USP3: variants seen among roughly 807,000 people sequenced by gnomAD.
USP3 encodes ubiquitin carboxyl-terminal hydrolase 3.
USP3 carries 20 observed loss-of-function variants against 72.3 expected under a neutral mutation model. The ratio of observed to expected loss-of-function variants is 0.28; its 90% confidence interval spans 0.19 to 0.40. USP3 has a LOEUF of 0.40. Ranked by LOEUF, USP3 falls within the 10% of genes least tolerant of loss-of-function variation. USP3 has a pLI of 1.00. For synonymous variants in USP3, 222 were observed against 225.3 expected (o/e 0.99, Z 0.13); for missense variants, 479 against 633.9 (o/e 0.76, Z 2.62).
At chr15:63,506,348 T>C (rs1390686941) in intron 1 of USP3, among the ~76,000 whole-genome samples, 2 of 138,582 alleles carry the variant, frequency 1.4e-5, no homozygotes, top group Admixed American at 1.5e-4. Context: ...TAACTTAATT[T>C]TTTTCCCAAA....
chr15:63,568,587 A>G (rs1049935710), intron 8 of USP3, among the ~76,000 whole-genome samples: 4 of 152,240 alleles, frequency 2.6e-5, no homozygotes, highest in South Asian at 2.1e-4. Context: ...GAAGTTGACT[A>G]CAGAGTCAAT....
chr15:63,586,099 T>C (rs1450687238), intron 11 of USP3, among the ~76,000 whole-genome samples: 1 of 152,238 alleles, frequency 6.6e-6, no homozygotes, highest in African/African-American at 2.4e-5. Context: ...TTTTTAACTG[T>C]AGGGTTTTAC....
At chr15:63,520,822 C>CA in intron 1 of USP3, among the ~76,000 whole-genome samples, 1 of 152,184 alleles carries the variant, frequency 6.6e-6, no homozygotes. Flanking sequence ...CTTGGCCTCC[C>CA]AAAGTGCTAG....
In USP3 at chr15:63,593,882, G is replaced by A. The variant is rs1183360990; in HGVS notation, c.*3056G>A. The A allele has an allele frequency of 1.3e-5, 2 of 152,248 alleles. No individual in the cohort carries two copies. The highest frequency in any genetic ancestry group is 2.4e-5 in the African/African-American group (1 of 41,464). The allele number at this position is 152,248 out of a possible 1,614,324, so 9.4% of individuals were successfully genotyped here. A position where few individuals can be genotyped will look rare whatever the true frequency, so the allele number is the denominator to read the frequency against. ...TCGCGCTGAGTCACATGGCTCCTTG[G>A]AACAAGAAAACTTTCTCAGAAGTCC... On this transcript the variant is annotated 3_prime_UTR_variant, in exon 15 of 15. Transcript: ENST00000380324.
intron 9 of USP3, among the ~76,000 whole-genome samples, chr15:63,573,708 A>C (rs2066816347): frequency 6.6e-6 from 1 of 152,204 alleles, no homozygotes; most frequent in South Asian, 2.1e-4. Context: ...TTTGAGGCCT[A>C]ACTTGGGGAG....
chr15:63,516,966 G>A (rs1386577568), intron 1 of USP3, among the ~76,000 whole-genome samples: 1 of 149,740 alleles, frequency 6.7e-6, no homozygotes, highest in African/African-American at 2.5e-5. Context: ...TGGATGTTGG[G>A]TGTCCTGAGT....
chr15:63,509,342 G>T (rs535965121), intron 1 of USP3, among the ~76,000 whole-genome samples: 2 of 152,114 alleles, frequency 1.3e-5, no homozygotes, highest in Admixed American at 6.5e-5. Context: ...GATGTGTCTG[G>T]CAGGGTCTTT....
chr15:63,547,761 GGAGAGAGAGA>G (rs1180675814), intron 3 of USP3, among the ~76,000 whole-genome samples: 67 of 4,460 alleles, frequency 0.015, no homozygotes, highest in African/African-American at 0.044. Context: ...AGGGAGGGAG[GGAGAGAGAGA>G]GAGAGAGAGA....
Position 63,508,850 on chromosome 15 carries a change from A to G in USP3, c.91+4020A>G, listed in dbSNP as rs531325199. On this transcript the variant is annotated intron_variant, in intron 1 of 14. Coordinates refer to ENST00000380324, the MANE Select transcript of USP3 (RefSeq NM_006537.4). The stretch of plus-strand genomic sequence containing the variant: ...TAATTTTTCCCTGATTAATTCTTCA[A>G]TGAGTTGAGAGTGCCTCTTTAAGTT... Among the ~76,000 whole-genome samples the G allele has an allele frequency of 1.3e-3, 194 of 152,286 alleles. 1 individual carries two copies. Among genetic ancestry groups the G allele is most frequent in the Middle Eastern group, 0.01 (3 of 292 alleles).
intron 1 of USP3, 32 bp from the exon 2 acceptor site, chr15:63,532,615 A>G (rs2066093490): frequency 2.5e-6 from 4 of 1,611,252 alleles, no homozygotes; most frequent in African/African-American, 1.3e-5. Context: ...ACATGATGCA[A>G]TTGGTATATT....
At chr15:63,541,686 T>C (rs556812062) in intron 3 of USP3, among the ~76,000 whole-genome samples, 93 of 152,274 alleles carry the variant, frequency 6.1e-4, no homozygotes, top group Non-Finnish European at 1.2e-3. Flanking sequence ...TGCTCTTGCT[T>C]CCTAAGCAAA....
intron 11 of USP3, among the ~76,000 whole-genome samples, chr15:63,576,941 T>C (rs571650424): frequency 2.2e-4 from 33 of 152,328 alleles, no homozygotes; most frequent in Middle Eastern, 6.8e-3. Flanking sequence ...TGGAGACTTG[T>C]GATTACCTAG....
At chr15:63,572,902 C>G (rs962894415) in intron 9 of USP3, among the ~76,000 whole-genome samples, 1 of 152,180 alleles carries the variant, frequency 6.6e-6, no homozygotes, top group Non-Finnish European at 1.5e-5. Flanking sequence ...CTAACTTAAC[C>G]TCAGCGTCCT....
At chr15:63,560,553 GATGACTATGAATCTCATTAGTCC>G (rs989659466) in intron 7 of USP3, among the ~76,000 whole-genome samples, 1 of 152,006 alleles carries the variant, frequency 6.6e-6, no homozygotes, top group Non-Finnish European at 1.5e-5. Context: ...TCTAGGTGTA[GATGACTATGAATCTCATTAGTCC>G]ATGTGAGTTG....
intron 3 of USP3, among the ~76,000 whole-genome samples, chr15:63,548,308 T>C (rs2066383001): frequency 6.6e-6 from 1 of 150,898 alleles, no homozygotes; most frequent in Admixed American, 6.6e-5. Context: ...TATTTATTTA[T>C]TTATTATTTT....
chr15:63,515,593 C>T (rs1238632837), intron 1 of USP3: 3 of 152,176 alleles, frequency 2.0e-5, no homozygotes, highest in Admixed American at 2.0e-4. Flanking sequence ...ATTAACTCTG[C>T]AGTGGGAATA....
chr15:63,531,327 A>C (rs1464229544), intron 1 of USP3, among the ~76,000 whole-genome samples: 1 of 152,122 alleles, frequency 6.6e-6, no homozygotes. Flanking sequence ...AGAAAAAAAC[A>C]TTGAAATAAA....
chr15:63,564,874 G>T (rs909051746), intron 8 of USP3, among the ~76,000 whole-genome samples: 1 of 152,200 alleles, frequency 6.6e-6, no homozygotes, highest in African/African-American at 2.4e-5. Flanking sequence ...TCTAGATCTT[G>T]AGATTATATC....
chr15:63,591,691 G>GACTT lies in USP3; in HGVS notation c.*873_*876dup, dbSNP rs1430388848. The GACTT allele has an allele frequency of 9.9e-5, 15 of 152,244 alleles. No individual in the cohort carries two copies. The highest frequency in any genetic ancestry group is 7.7e-4 in the East Asian group (4 of 5,176). The allele number at this position is 152,244 out of a possible 1,614,324, so 9.4% of individuals were successfully genotyped here. A position where few individuals can be genotyped will look rare whatever the true frequency, so the allele number is the denominator to read the frequency against. On this transcript the variant is annotated 3_prime_UTR_variant, in exon 15 of 15. Coordinates refer to ENST00000380324, the MANE Select transcript of USP3 (RefSeq NM_006537.4). ...TGGAAGTCACGACATGTCCATTATAGACTTACTTACTGCTTGTGTTTGGCA... is the reference window on the plus strand; with the variant it reads ...TGGAAGTCACGACATGTCCATTATAGACTTACTTACTTACTGCTTGTGTTTGGCA...
Sources: allele counts gnomAD v4.1 joint callset (sites outside exome capture counted in the v4.1 genomes callset), GRCh38; gene constraint gnomAD v4.1.1; transcripts MANE v1.5; gene names NCBI Gene and HGNC (gene_info 2026-07-23, HGNC 2026-07-21).